The following TSGA10IP variants were observed in gnomAD, a reference collection of about 807,000 sequenced individuals.
TSGA10IP encodes testis-specific protein 10-interacting protein.
TSGA10IP carries 64 observed loss-of-function variants against 63.2 expected under a neutral mutation model. That is an observed-to-expected ratio of 1.01 (90% CI 0.83 to 1.25). The LOEUF is 1.25. TSGA10IP is among the 50% of genes most tolerant of loss of function. The pLI is 0.00. For synonymous variants in TSGA10IP, 316 were observed against 298.3 expected, an observed-to-expected ratio of 1.06 and a Z score of -0.61; for missense variants, 681 against 710.1, an observed-to-expected ratio of 0.96 and a Z score of 0.47.
chr11:65,953,030 CTT>C (rs543769953), intron 4 of TSGA10IP, among the ~76,000 whole-genome samples: 11 of 133,620 alleles, frequency 8.2e-5, no homozygotes, highest in Admixed American at 2.2e-4. Context: ...TTCTTTCTTT[CTT>C]TTTTTTTTTT....
chr11:65,947,044 G>C (rs1854848025), intron 2 of TSGA10IP, 28 bp downstream of exon 2: 1 of 1,612,600 alleles, frequency 6.2e-7, no homozygotes, highest in Non-Finnish European at 8.5e-7. Context: ...GGGTCAGGAG[G>C]CTGTTGGGGG....
Position 65,947,187 on chromosome 11 carries a change from C to T in TSGA10IP, c.362C>T (p.Ala121Val), listed in dbSNP as rs759673632. ...GAGAGCATCGCCACAGATGTCCGGGCTGTGCTTCAGCCAAGCTCCCCAACC... is the reference window on the plus strand; with the variant it reads ...GAGAGCATCGCCACAGATGTCCGGGTTGTGCTTCAGCCAAGCTCCCCAACC... The change falls in exon 3 of 8, where the codon GCT becomes GTT. Residue 121 changes from alanine (A) to valine (V), a missense_variant. Transcript: ENST00000532620. The T allele has an allele frequency of 7.5e-6, 12 of 1,608,614 alleles. No homozygotes were observed. In the South Asian group the frequency reaches 1.3e-4, roughly 18 times the overall value.
At chr11:65,949,631 G>T (rs1359778924) in intron 4 of TSGA10IP, among the ~76,000 whole-genome samples, 1 of 151,868 alleles carries the variant, frequency 6.6e-6, no homozygotes, top group Non-Finnish European at 1.5e-5. Context: ...TGGCCAGGCT[G>T]GTCTTGAACT....
rs1238127447 is a variant in TSGA10IP, at chr11:65,947,092, C to T, written c.285-18C>T. ...GGGGGCTGGCGCCGACCCTGACCCC[C>T]ACCCTTTCCTTCTTCAGTCACTTCC... On this transcript the variant is annotated intron_variant, in intron 2 of 7. Coordinates refer to ENST00000532620, the Ensembl canonical transcript of TSGA10IP. 1 of 1,609,438 alleles carries T rather than the reference C, an allele frequency of 6.2e-7. No homozygotes were observed.
intron 1 of TSGA10IP, 90 bp downstream of exon 1, chr11:65,945,912 A>G: frequency 6.8e-7 from 1 of 1,474,990 alleles, no homozygotes; most frequent in Non-Finnish European, 9.2e-7. Flanking sequence ...AGAAGCCACA[A>G]GACCTGAGCT....
intron 7 of TSGA10IP, 47 bp from the exon 8 acceptor site, chr11:65,959,770 T>C: frequency 1.3e-6 from 2 of 1,517,956 alleles, no homozygotes; most frequent in Non-Finnish European, 1.8e-6. Flanking sequence ...TCCTTGGGCA[T>C]GGGGGTGGGA....
At chr11:65,952,980 T>C (rs1854964972) in intron 4 of TSGA10IP, among the ~76,000 whole-genome samples, 1 of 152,130 alleles carries the variant, frequency 6.6e-6, no homozygotes, top group South Asian at 2.1e-4. Context: ...ATGGACATTT[T>C]AACAATATTA....
chr11:65,953,687 C>T (rs1854981539), exon 5 of TSGA10IP: 1 of 1,585,194 alleles, frequency 6.3e-7, no homozygotes, highest in Non-Finnish European at 8.5e-7. Flanking sequence ...CCTACGCACC[C>T]AGAGGGAGCC....
At chr11:65,955,295 T>C (rs1485602710) in intron 5 of TSGA10IP, among the ~76,000 whole-genome samples, 1 of 152,040 alleles carries the variant, frequency 6.6e-6, no homozygotes, top group Non-Finnish European at 1.5e-5. Flanking sequence ...CCCCTAAGAC[T>C]GCTTATCTTG....
At chr11:65,949,564 C>G (rs561531130) in intron 4 of TSGA10IP, among the ~76,000 whole-genome samples, 44 of 151,968 alleles carry the variant, frequency 2.9e-4, no homozygotes, top group African/African-American at 9.9e-4. Flanking sequence ...CTACAGGAGC[C>G]CACCACCACG....
rs1209001930 is a variant in TSGA10IP at position 65,956,710 on chromosome 11, G to A, written c.1323-2173G>A. ...ACCTGGCTAATTTTTTTGTATTTTT[G>A]GTAGAGACAGGGTTTCACCATATTG... is the stretch of plus-strand genomic sequence containing the variant. On this transcript the variant is annotated intron_variant, in intron 5 of 7. Coordinates refer to ENST00000532620, the Ensembl canonical transcript of TSGA10IP. 2.6e-5 allele frequency among the ~76,000 whole-genome samples: 4 copies of A among 151,918 alleles called. No homozygotes were observed. The East Asian group carries it at 7.8e-4, about 30-fold the overall frequency.
exon 4 of TSGA10IP, chr11:65,948,054 C>T (rs772390003): frequency 1.3e-5 from 20 of 1,577,568 alleles, no homozygotes; most frequent in East Asian, 2.3e-5. Context: ...GGCCTCCAAG[C>T]GGAATGGAAA....
chr11:65,959,602 C>T (rs914141688), intron 7 of TSGA10IP, among the ~76,000 whole-genome samples: 1 of 152,232 alleles, frequency 6.6e-6, no homozygotes, highest in Admixed American at 6.5e-5. Context: ...GGCACCACCA[C>T]GCTGGTCACC....
chr11:65,950,602 G>T (rs1304446875), intron 4 of TSGA10IP, among the ~76,000 whole-genome samples: 1 of 149,066 alleles, frequency 6.7e-6, no homozygotes, highest in African/African-American at 2.5e-5. Context: ...TCTCACTGTT[G>T]CCCAGGCTGG....
chr11:65,954,818 C>CAA (rs35841625), intron 5 of TSGA10IP, among the ~76,000 whole-genome samples: 4,079 of 72,756 alleles, frequency 0.056, 184 homozygotes, highest in East Asian at 0.23. Context: ...AACTCCATCT[C>CAA]AAAAAAAAAA....
chr11:65,959,071 C>G, intron 6 of TSGA10IP, 89 bp downstream of exon 6: 5 of 1,564,548 alleles, frequency 3.2e-6, no homozygotes, highest in Non-Finnish European at 4.3e-6. Context: ...TAGGTCCCTG[C>G]AGATAGGATC....
intron 1 of TSGA10IP, 81 bp from the exon 2 acceptor site, chr11:65,946,799 A>G (rs1854842116): frequency 2.0e-6 from 3 of 1,501,820 alleles, no homozygotes; most frequent in Non-Finnish European, 2.7e-6. Context: ...CCAGGTGCAC[A>G]GAGGGAGCAC....
chr11:65,958,328 A>T (rs1296680190), intron 5 of TSGA10IP, among the ~76,000 whole-genome samples: 1 of 151,484 alleles, frequency 6.6e-6, no homozygotes, highest in Non-Finnish European at 1.5e-5. Context: ...TTTGAAACAT[A>T]TTTTTTTTTA....
chr11:65,948,902 G>A (rs926191955), intron 4 of TSGA10IP, among the ~76,000 whole-genome samples: 1 of 152,156 alleles, frequency 6.6e-6, no homozygotes. Context: ...TTGAACCTGG[G>A]AGGCGGAGGT....
Sources: gnomAD v4.1 joint callset for allele counts (sites outside exome capture counted in the v4.1 genomes callset) on GRCh38, gnomAD v4.1.1 for gene constraint, MANE v1.5 for transcripts, NCBI Gene and HGNC (gene_info 2026-07-23, HGNC 2026-07-21) for gene names.